PPTC7: variants seen among roughly 807,000 people sequenced by gnomAD.
PPTC7 encodes the protein protein phosphatase targeting COQ7.
Under a neutral mutation model 30.8 loss-of-function variants are expected in PPTC7, and 6 were observed. That is an observed-to-expected ratio of 0.19 (90% CI 0.11 to 0.38). PPTC7 has a LOEUF of 0.38. Ranked by LOEUF, PPTC7 falls within the 10% of genes least tolerant of loss-of-function variation. The probability of loss-of-function intolerance (pLI) is 1.00; values close to 1 mark genes in which losing one functional copy is unlikely to be tolerated. For missense variants in PPTC7, 218 were observed against 404.8 expected, an observed-to-expected ratio of 0.54 and a Z score of 3.96; for synonymous variants, 163 against 168.1, an observed-to-expected ratio of 0.97 and a Z score of 0.23.
intron 1 of PPTC7, among the ~76,000 whole-genome samples, chr12:110,578,924 T>C (rs1330803351): frequency 2.6e-5 from 4 of 152,150 alleles, no homozygotes; most frequent in Non-Finnish European, 2.9e-5. Flanking sequence ...GGCAGGTGGA[T>C]GACATGAGGT....
intron 1 of PPTC7, among the ~76,000 whole-genome samples, chr12:110,558,953 G>A (rs553805926): frequency 6.6e-6 from 1 of 152,154 alleles, no homozygotes; most frequent in Non-Finnish European, 1.5e-5. Context: ...AGCAAAACGA[G>A]CAATTAGAAA....
intron 1 of PPTC7, among the ~76,000 whole-genome samples, chr12:110,573,036 C>T (rs981994151): frequency 2.6e-5 from 4 of 152,140 alleles, no homozygotes; most frequent in East Asian, 1.9e-4. Flanking sequence ...CCCGACACTA[C>T]GCCCAGCTAA....
chr12:110,551,514 T>A (rs1251041764), intron 2 of PPTC7, among the ~76,000 whole-genome samples: 4 of 152,152 alleles, frequency 2.6e-5, no homozygotes, highest in Non-Finnish European at 5.9e-5. Flanking sequence ...GCCTGGCTAA[T>A]TTTTGTATTT....
chr12:110,546,930 T>A (rs2135767553), intron 2 of PPTC7, among the ~76,000 whole-genome samples: 1 of 151,924 alleles, frequency 6.6e-6, no homozygotes, highest in Middle Eastern at 3.4e-3. Flanking sequence ...TTAACACGAG[T>A]CAAAAGAAGA....
intron 1 of PPTC7, among the ~76,000 whole-genome samples, chr12:110,563,490 C>T (rs764658548): frequency 1.1e-4 from 17 of 152,144 alleles, no homozygotes; most frequent in Non-Finnish European, 2.1e-4. Flanking sequence ...TAGCACATGC[C>T]TGTAATCCCA....
At chr12:110,556,778 C>T (rs2064391261) in intron 1 of PPTC7, among the ~76,000 whole-genome samples, 1 of 152,146 alleles carries the variant, frequency 6.6e-6, no homozygotes, top group African/African-American at 2.4e-5. Context: ...AGCTCCCCTG[C>T]TAGTGGGGTG....
chr12:110,542,879 G>A (rs995185609), intron 3 of PPTC7, among the ~76,000 whole-genome samples: 1 of 151,918 alleles, frequency 6.6e-6, no homozygotes, highest in African/African-American at 2.4e-5. Context: ...TAAAAATGGG[G>A]GAAAACCCCG....
rs1195379043 is a variant in PPTC7 at position 110,552,362 on chromosome 12, G to A, written c.224-394C>T. ...TGACGATACAATTCAGTCAGAGCTG[G>A]AGATCACAAAGAACATCAAAAGCGG... On this transcript the variant is annotated intron_variant, in intron 1 of 5. Transcript: ENST00000354300. 2.0e-5 allele frequency among the ~76,000 whole-genome samples: 3 copies of A among 152,224 alleles called. No homozygotes were observed. In the East Asian group the frequency reaches 5.8e-4, roughly 29 times the overall value.
At chr12:110,557,400 T>C (rs1185935449) in intron 1 of PPTC7, among the ~76,000 whole-genome samples, 1 of 152,064 alleles carries the variant, frequency 6.6e-6, no homozygotes, top group Non-Finnish European at 1.5e-5. Flanking sequence ...TCAGCCTCCT[T>C]AGTAGCTGGG....
intron 1 of PPTC7, among the ~76,000 whole-genome samples, chr12:110,574,612 C>G (rs184612049): frequency 2.6e-5 from 4 of 152,238 alleles, no homozygotes; most frequent in Admixed American, 2.6e-4. Context: ...AGAGCTGTGC[C>G]AGTTGTCAAC....
intron 1 of PPTC7, among the ~76,000 whole-genome samples, chr12:110,574,466 T>A (rs2064570192): frequency 6.6e-6 from 1 of 152,194 alleles, no homozygotes; most frequent in Admixed American, 6.5e-5. Flanking sequence ...TTTTTACTCC[T>A]TAAAGAAAAG....
chr12:110,564,793 A>ATATATATACACGTATATGTATATGTG (rs1399605110), intron 1 of PPTC7, among the ~76,000 whole-genome samples: 1,876 of 148,658 alleles, frequency 0.013, 65 homozygotes, highest in African/African-American at 0.044. Flanking sequence ...TACACGTTAT[A>ATATATATACACGTATATGTATATGTG]TATATATACA....
chr12:110,551,748 G>T (rs1366059134), intron 2 of PPTC7, 41 bp downstream of exon 2: 1 of 1,565,032 alleles, frequency 6.4e-7, no homozygotes, highest in South Asian at 1.1e-5. Context: ...TAACTATCTA[G>T]GGGGCTTCTT....
At chr12:110,573,930 G>A (rs916062597) in intron 1 of PPTC7, among the ~76,000 whole-genome samples, 1 of 151,722 alleles carries the variant, frequency 6.6e-6, no homozygotes, top group African/African-American at 2.4e-5. Flanking sequence ...ACGGTGAGCC[G>A]AGATTGTGCC....
intron 1 of PPTC7, among the ~76,000 whole-genome samples, chr12:110,569,159 C>A (rs1168980739): frequency 1.3e-5 from 2 of 151,656 alleles, no homozygotes; most frequent in African/African-American, 4.9e-5. Flanking sequence ...ATGGTGAAAC[C>A]CCATCTCTAC....
intron 1 of PPTC7, among the ~76,000 whole-genome samples, chr12:110,579,484 T>C (rs2064618283): frequency 6.6e-6 from 1 of 152,186 alleles, no homozygotes; most frequent in African/African-American, 2.4e-5. Context: ...CTTGATCTGA[T>C]TCCTATGCAT....
chr12:110,565,990 T>C (rs1441455887), intron 1 of PPTC7, among the ~76,000 whole-genome samples: 1 of 152,136 alleles, frequency 6.6e-6, no homozygotes, highest in East Asian at 1.9e-4. Flanking sequence ...AGACAGGCAT[T>C]TTGAGCAATT....
chr12:110,559,663 T>C (rs1200720793), intron 1 of PPTC7, among the ~76,000 whole-genome samples: 2 of 148,190 alleles, frequency 1.3e-5, no homozygotes, highest in African/African-American at 2.5e-5. Context: ...GAGGTGGAGG[T>C]TGCAATGAGC....
chr12:110,579,811 G>C (rs1422693434), intron 1 of PPTC7, among the ~76,000 whole-genome samples: 1 of 152,132 alleles, frequency 6.6e-6, no homozygotes, highest in Non-Finnish European at 1.5e-5. Flanking sequence ...TTAGGAGTTC[G>C]AGTACAGCCT....
Sources: gnomAD v4.1 joint callset for allele counts (sites outside exome capture counted in the v4.1 genomes callset) on GRCh38, gnomAD v4.1.1 for gene constraint, MANE v1.5 for transcripts, NCBI Gene and HGNC (gene_info 2026-07-23, HGNC 2026-07-21) for gene names.